Variants in CNTNAP2 observed in about 807,000 individuals in gnomAD.
The protein encoded by CNTNAP2 is contactin-associated protein-like 2.
A neutral mutation model predicts 155.2 loss-of-function variants in CNTNAP2; 98 were observed. The ratio of observed to expected loss-of-function variants is 0.63; its 90% CI spans 0.54 to 0.75. The LOEUF (loss-of-function observed/expected upper bound fraction) is 0.75. Among genes scored for constraint, CNTNAP2 ranks in the 30% least tolerant of loss-of-function variants. CNTNAP2 has a pLI of 0.00. For missense variants in CNTNAP2, 1,727 were observed against 1,688.1 expected (o/e 1.02, Z -0.40); for synonymous variants, 651 against 631.2 (o/e 1.03, Z -0.47).
chr7:147,689,099 T>G (rs1796053634), intron 13 of CNTNAP2, among the ~76,000 whole-genome samples: 1 of 151,408 alleles, frequency 6.6e-6, no homozygotes, highest in Non-Finnish European at 1.5e-5. Context: ...ATTCCTGAAG[T>G]ATTACAGGAT....
intron 1 of CNTNAP2, among the ~76,000 whole-genome samples, chr7:146,246,555 G>T (rs1048823713): frequency 6.6e-6 from 1 of 150,850 alleles, no homozygotes; most frequent in Non-Finnish European, 1.5e-5. Flanking sequence ...ATTAAGAAGG[G>T]GACAGACTTA....
intron 10 of CNTNAP2, among the ~76,000 whole-genome samples, chr7:147,441,830 T>C (rs945864986): frequency 2.8e-5 from 4 of 144,030 alleles, no homozygotes; most frequent in African/African-American, 7.8e-5. Flanking sequence ...TCTCTCTCTC[T>C]CTCTCTCTCT....
chr7:146,494,159 G>A (rs540567887), intron 1 of CNTNAP2, among the ~76,000 whole-genome samples: 18 of 151,918 alleles, frequency 1.2e-4, no homozygotes, highest in South Asian at 2.1e-4. Flanking sequence ...ACGGTGAAAC[G>A]CTGTCTGTAC....
intron 3 of CNTNAP2, among the ~76,000 whole-genome samples, chr7:146,862,067 GGGGAAAATGAA>G (rs1193294306): frequency 7.2e-5 from 11 of 152,096 alleles, no homozygotes; most frequent in African/African-American, 2.4e-4. Flanking sequence ...TTAGTGGATT[GGGGAAAATGAA>G]GGGAAAATGA....
At chr7:146,754,558 C>CTCTCTG (rs1320468506) in intron 1 of CNTNAP2, among the ~76,000 whole-genome samples, 1 of 141,982 alleles carries the variant, frequency 7.0e-6, no homozygotes, top group East Asian at 2.0e-4. Flanking sequence ...CTCTCTGTCT[C>CTCTCTG]TCTCTCTCTC....
intron 3 of CNTNAP2, among the ~76,000 whole-genome samples, chr7:146,968,629 T>A (rs1797712159): frequency 6.6e-6 from 1 of 151,600 alleles, no homozygotes; most frequent in Admixed American, 6.6e-5. Flanking sequence ...TGATGGTAGT[T>A]TGTATTTCTG....
intron 1 of CNTNAP2, among the ~76,000 whole-genome samples, chr7:146,661,967 T>C (rs1800097705): frequency 6.6e-6 from 1 of 152,190 alleles, no homozygotes; most frequent in Non-Finnish European, 1.5e-5. Context: ...CAGCAATTGG[T>C]ATTGTCTCTT....
chr7:146,599,777 G>GAT (rs1563151208), intron 1 of CNTNAP2, among the ~76,000 whole-genome samples: 4 of 151,854 alleles, frequency 2.6e-5, no homozygotes, highest in Non-Finnish European at 5.9e-5. Flanking sequence ...TAGATAGATA[G>GAT]ATAGATCTCT....
chr7:147,081,794 T>A (rs1483843143), intron 4 of CNTNAP2: 1 of 152,144 alleles, frequency 6.6e-6, no homozygotes, highest in East Asian at 1.9e-4. Flanking sequence ...GAGCAAGTAT[T>A]AAAACAGGAA....
chr7:147,355,744 G>C (rs1418899193), intron 9 of CNTNAP2, among the ~76,000 whole-genome samples: 5 of 152,052 alleles, frequency 3.3e-5, no homozygotes, highest in Non-Finnish European at 5.9e-5. Context: ...CCAGGAAGAA[G>C]TCAAATCCCT....
chr7:148,360,902 C>G (rs997471864), intron 21 of CNTNAP2, among the ~76,000 whole-genome samples: 1 of 151,886 alleles, frequency 6.6e-6, no homozygotes, highest in Admixed American at 6.6e-5. Flanking sequence ...CTCTGCCCCC[C>G]AGATTCAAGT....
At chr7:148,174,207 A>C (rs1794887177) in intron 18 of CNTNAP2, among the ~76,000 whole-genome samples, 1 of 152,252 alleles carries the variant, frequency 6.6e-6, no homozygotes, top group Admixed American at 6.5e-5. Flanking sequence ...TTTGGAAATC[A>C]TTTATGAGCA....
At chr7:147,720,007 T>C (rs770787217) in intron 13 of CNTNAP2, among the ~76,000 whole-genome samples, 28 of 152,030 alleles carry the variant, frequency 1.8e-4, no homozygotes, top group Non-Finnish European at 3.8e-4. Context: ...GGCACTCCTG[T>C]ATTCTGTGTG....
chr7:147,316,344 T>C (rs933878718), intron 9 of CNTNAP2, among the ~76,000 whole-genome samples: 3 of 151,870 alleles, frequency 2.0e-5, no homozygotes, highest in Admixed American at 1.3e-4. Flanking sequence ...TTTCATGAAA[T>C]GGAGAGGAGG....
chr7:146,173,884 T>C (rs1348008442), intron 1 of CNTNAP2, among the ~76,000 whole-genome samples: 1 of 152,152 alleles, frequency 6.6e-6, no homozygotes, highest in Non-Finnish European at 1.5e-5. Context: ...AATGCACAGC[T>C]CTGAATGACT....
intron 13 of CNTNAP2, among the ~76,000 whole-genome samples, chr7:147,797,294 A>T (rs1042409383): frequency 1.3e-5 from 2 of 152,170 alleles, no homozygotes; most frequent in African/African-American, 4.8e-5. Context: ...GTCTTCCTTT[A>T]GAAAAAATTC....
chr7:147,986,898 T>G (rs1801627767), intron 15 of CNTNAP2, among the ~76,000 whole-genome samples: 1 of 141,708 alleles, frequency 7.1e-6, no homozygotes, highest in South Asian at 2.2e-4. Context: ...TGTGTGTGTG[T>G]GTGGTTGGTT....
At chr7:146,502,110 G>C (rs948499007) in intron 1 of CNTNAP2, among the ~76,000 whole-genome samples, 1 of 151,342 alleles carries the variant, frequency 6.6e-6, no homozygotes, top group Non-Finnish European at 1.5e-5. Context: ...TTGTCTTTAT[G>C]TGCCTGGCCT....
At chr7:146,594,375 C>G (rs1022854933) in intron 1 of CNTNAP2, among the ~76,000 whole-genome samples, 1 of 151,762 alleles carries the variant, frequency 6.6e-6, no homozygotes, top group African/African-American at 2.4e-5. Context: ...TCTTACAGCT[C>G]TATTTGGTGT....
Sources: gnomAD v4.1 joint callset for allele counts (sites outside exome capture counted in the v4.1 genomes callset) on GRCh38, gnomAD v4.1.1 for gene constraint, MANE v1.5 for transcripts, NCBI Gene and HGNC (gene_info 2026-07-23, HGNC 2026-07-21) for gene names.